Variants in ABI2 observed in about 807,000 individuals in gnomAD.
ABI2 encodes abelson interactor 2.
In ABI2, 25 loss-of-function variants were observed where a neutral mutation model predicts 59.2. The observed-to-expected ratio is 0.42, with a 90% CI of 0.31 to 0.59. The LOEUF (loss-of-function observed/expected upper bound fraction) is 0.59, where lower values mean the gene tolerates loss of function less well. Ranked by LOEUF, ABI2 falls within the 20% of genes least tolerant of loss-of-function variation. ABI2 has a pLI of 0.14. For missense variants in ABI2, 545 were observed against 681.8 expected (o/e 0.80, Z 2.23); for synonymous variants, 213 against 235.5 (o/e 0.90, Z 0.87).
chr2:203,370,576 C>T (rs926724574), intron 2 of ABI2, among the ~76,000 whole-genome samples: 11 of 152,160 alleles, frequency 7.2e-5, no homozygotes, highest in Non-Finnish European at 1.6e-4. Context: ...CTTAGTTTGC[C>T]AGCCCCTGCT....
intron 5 of ABI2, among the ~76,000 whole-genome samples, chr2:203,393,154 A>G (rs1414372680): frequency 6.6e-6 from 1 of 152,186 alleles, no homozygotes; most frequent in Non-Finnish European, 1.5e-5. Context: ...TCTTGCCTCC[A>G]GGCGATTCTC....
Position 203,362,750 on chromosome 2 carries a change from C to T in ABI2, c.118-4127C>T, listed in dbSNP as rs576963480. ...CCATGTCGGGCAGGCCGGTCTTGAA[C>T]TCCTGACCTCAGGTGATCCACCTGG... is the stretch of plus-strand genomic sequence containing the variant. On this transcript the variant is annotated intron_variant, in intron 1 of 11. Transcript: ENST00000261018. 2.2e-3 allele frequency among the ~76,000 whole-genome samples: 329 copies of T among 151,950 alleles called. 1 individual carries two copies. Among genetic ancestry groups the T allele is most frequent in the Non-Finnish European group, 3.3e-3 (223 of 68,014 alleles).
chr2:203,384,920 C>A (rs190333968), intron 4 of ABI2, among the ~76,000 whole-genome samples: 1 of 151,382 alleles, frequency 6.6e-6, no homozygotes, highest in African/African-American at 2.4e-5. Flanking sequence ...CTGCAACCTC[C>A]GCCTCCCGGG....
intron 11 of ABI2, among the ~76,000 whole-genome samples, chr2:203,421,831 G>A (rs147480700): frequency 3.0e-4 from 45 of 152,166 alleles, no homozygotes; most frequent in Middle Eastern, 6.8e-3. Flanking sequence ...GGGTGTGGTG[G>A]TGCACGCCTG....
intron 1 of ABI2, among the ~76,000 whole-genome samples, chr2:203,339,250 G>T (rs1193730315): frequency 1.3e-5 from 2 of 151,338 alleles, no homozygotes; most frequent in Non-Finnish European, 2.9e-5. Flanking sequence ...GAATCCTTGT[G>T]TGCAGTGAGA....
chr2:203,346,900 T>TA (rs2083961123), intron 1 of ABI2, among the ~76,000 whole-genome samples: 1 of 152,200 alleles, frequency 6.6e-6, no homozygotes, highest in African/African-American at 2.4e-5. Flanking sequence ...CCTAGGCCCT[T>TA]GTTTGTGCTG....
At chr2:203,362,945 C>T (rs1286227400) in intron 1 of ABI2, among the ~76,000 whole-genome samples, 11 of 152,150 alleles carry the variant, frequency 7.2e-5, no homozygotes, top group Non-Finnish European at 1.3e-4. Flanking sequence ...ATTCTCCTGC[C>T]TCAGCCTCCT....
At chr2:203,356,508 A>G (rs1234136315) in intron 1 of ABI2, among the ~76,000 whole-genome samples, 1 of 152,114 alleles carries the variant, frequency 6.6e-6, no homozygotes, top group African/African-American at 2.4e-5. Flanking sequence ...AGCTGGGACT[A>G]CAGGCGCGTG....
intron 3 of ABI2, among the ~76,000 whole-genome samples, chr2:203,381,822 A>T (rs887861165): frequency 1.3e-4 from 20 of 152,318 alleles, no homozygotes; most frequent in African/African-American, 3.8e-4. Flanking sequence ...CCATTTTTTT[A>T]AAATATATAA....
chr2:203,396,176 TTAG>T (rs1443370609), intron 7 of ABI2, among the ~76,000 whole-genome samples: 3 of 152,224 alleles, frequency 2.0e-5, no homozygotes, highest in African/African-American at 4.8e-5. Flanking sequence ...GTATTGGAAT[TTAG>T]TAGTCTCTGA....
intron 1 of ABI2, 99 bp downstream of exon 1, chr2:203,328,730 G>C: frequency 1.5e-6 from 1 of 683,654 alleles, no homozygotes; most frequent in East Asian, 3.5e-5. Context: ...ACACGGCCCA[G>C]CGGAGCCCCC....
chr2:203,379,439 A>G (rs752444235), intron 2 of ABI2, among the ~76,000 whole-genome samples: 35 of 152,128 alleles, frequency 2.3e-4, no homozygotes, highest in Non-Finnish European at 4.0e-4. Flanking sequence ...GGGTTTCGCC[A>G]TGTTGCCCAG....
At chr2:203,368,152 G>A (rs2094663583) in intron 2 of ABI2, among the ~76,000 whole-genome samples, 1 of 152,154 alleles carries the variant, frequency 6.6e-6, no homozygotes, top group Admixed American at 6.5e-5. Context: ...CTCAGTGGCT[G>A]CATAATGTTG....
chr2:203,366,852 A>G (rs756857928), intron 1 of ABI2, 25 bp from the exon 2 acceptor site: 7 of 1,515,766 alleles, frequency 4.6e-6, no homozygotes, highest in Admixed American at 4.0e-5. Context: ...TGAATTAATG[A>G]TCACTGGTTT....
chr2:203,332,383 T>G (rs1035219909), intron 1 of ABI2, among the ~76,000 whole-genome samples: 8 of 151,970 alleles, frequency 5.3e-5, no homozygotes, highest in African/African-American at 1.9e-4. Flanking sequence ...TCCCAGCACT[T>G]TGGGAGGCCG....
chr2:203,375,911 C>T (rs796368086), intron 2 of ABI2: 24 of 483,474 alleles, frequency 5.0e-5, no homozygotes, highest in African/African-American at 4.6e-4. Context: ...TTTCTAAAGG[C>T]ATGTTTTCTT....
intron 10 of ABI2, among the ~76,000 whole-genome samples, chr2:203,414,642 A>G (rs1580435906): frequency 6.6e-6 from 1 of 152,202 alleles, no homozygotes; most frequent in Non-Finnish European, 1.5e-5. Flanking sequence ...CCTTTTCTCA[A>G]TGCTGAGCAT....
chr2:203,413,045 G>A (rs1034303483), intron 10 of ABI2, among the ~76,000 whole-genome samples: 1 of 152,180 alleles, frequency 6.6e-6, no homozygotes, highest in Non-Finnish European at 1.5e-5. Flanking sequence ...TACCCTGGGA[G>A]TTTTTTCTGT....
chr2:203,361,790 G>T (rs1348229521), intron 1 of ABI2, among the ~76,000 whole-genome samples: 4 of 152,130 alleles, frequency 2.6e-5, no homozygotes, highest in Admixed American at 2.6e-4. Flanking sequence ...TGCCTAGATT[G>T]AATGATGTCC....
Sources: gnomAD v4.1 joint callset for allele counts (sites outside exome capture counted in the v4.1 genomes callset) on GRCh38, gnomAD v4.1.1 for gene constraint, MANE v1.5 for transcripts, NCBI Gene and HGNC (gene_info 2026-07-23, HGNC 2026-07-21) for gene names.